Variants in CALD1 observed in about 807,000 individuals in gnomAD.
CALD1 encodes the protein caldesmon.
In CALD1, 33 loss-of-function variants were observed where a neutral mutation model predicts 99.9. The observed-to-expected ratio is 0.33, with a 90% CI of 0.25 to 0.44. The LOEUF is 0.44. CALD1 is among the 20% of genes least tolerant of loss of function. The probability of loss-of-function intolerance (pLI) is 1.00; values close to 1 mark genes in which losing one functional copy is unlikely to be tolerated. For synonymous variants in CALD1, 310 were observed against 325.0 expected (o/e 0.95, Z 0.50); for missense variants, 861 against 962.1 (o/e 0.89, Z 1.39).
intron 1 of CALD1, among the ~76,000 whole-genome samples, chr7:134,759,262 AT>A (rs1395705267): frequency 6.6e-6 from 1 of 152,242 alleles, no homozygotes; most frequent in Non-Finnish European, 1.5e-5. Flanking sequence ...TGAGAAAAAA[AT>A]AGATCTGTCT....
At chr7:134,932,061 C>CA (rs1805561571) in intron 4 of CALD1, among the ~76,000 whole-genome samples, 1 of 152,202 alleles carries the variant, frequency 6.6e-6, no homozygotes, top group South Asian at 2.1e-4. Context: ...TACCAACAGA[C>CA]AGAGATAGAG....
intron 3 of CALD1, among the ~76,000 whole-genome samples, chr7:134,909,639 C>T (rs773376653): frequency 6.6e-6 from 1 of 152,118 alleles, no homozygotes; most frequent in Non-Finnish European, 1.5e-5. Context: ...GCCAAGATCA[C>T]GCCATTGCAC....
At chr7:134,752,048 T>C (rs1373541451) in intron 1 of CALD1, among the ~76,000 whole-genome samples, 1 of 152,200 alleles carries the variant, frequency 6.6e-6, no homozygotes, top group East Asian at 1.9e-4. Flanking sequence ...TTTTCAGAAA[T>C]GTCATTCATG....
At position 134,947,643 on chromosome 7, in the gene CALD1, G is replaced by C. The variant is rs745761397; in HGVS notation, c.1668G>C (p.Gln556His). 2.5e-6 allele frequency: 4 copies of C among 1,576,694 alleles called. No homozygotes were observed. In the South Asian group the frequency reaches 4.6e-5, roughly 18 times the overall value. ...TESEEFEKLKQKQQEAALELE... is the reference protein window; with the variant it reads ...TESEEFEKLKHKQQEAALELE... ...GCGAAGAGTTCGAGAAGCTCAAACA[G>C]AAGCAGCAGGAGGCGGCTTTGGAGC... The change falls in exon 8 of 15, where the codon CAG becomes CAC. Residue 556 changes from glutamine to histidine, a missense_variant. Gln to His is a conservative substitution (Grantham distance 24). Transcript: ENST00000361675.
In CALD1 at chr7:134,951,869, T is replaced by C. The variant is rs78379445; in HGVS notation, c.1935+1355T>C. 1.5e-3 allele frequency among the ~76,000 whole-genome samples: 236 copies of C among 152,348 alleles called. 2 individuals carry two copies. In the East Asian group the frequency reaches 0.041, roughly 27 times the overall value. The stretch of plus-strand genomic sequence containing the variant: ...ATCTAGCACAGTGCCTTACATCATA[T>C]TGAAGATACTTAATAAAAATTTGTT... On this transcript the variant is annotated intron_variant, in intron 9 of 14. Coordinates refer to ENST00000361675, the MANE Select transcript of CALD1 (RefSeq NM_033138.4).
chr7:134,731,376 A>G, the CALD1 span, among the ~76,000 whole-genome samples: 1 of 152,170 alleles, frequency 6.6e-6, no homozygotes, highest in Non-Finnish European at 1.5e-5. Context: ...TGAAAAGTCA[A>G]CTTGTCATCT....
intron 2 of CALD1, among the ~76,000 whole-genome samples, chr7:134,866,417 T>C (rs1800802462): frequency 6.6e-6 from 1 of 152,188 alleles, no homozygotes; most frequent in Admixed American, 6.5e-5. Context: ...GCAGCATTAA[T>C]AATACCCTAG....
chr7:134,957,035 A>AT (rs1448305619), intron 9 of CALD1, among the ~76,000 whole-genome samples: 2 of 151,920 alleles, frequency 1.3e-5, no homozygotes, highest in Non-Finnish European at 2.9e-5. Context: ...CTAACTGCTG[A>AT]TTTTTTCTAT....
chr7:134,877,357 C>T (rs1386898404), intron 3 of CALD1, among the ~76,000 whole-genome samples: 1 of 152,154 alleles, frequency 6.6e-6, no homozygotes, highest in Non-Finnish European at 1.5e-5. Flanking sequence ...ATATAAATGT[C>T]TCCCTGTAAA....
Position 134,754,614 on chromosome 7 carries a change from T to C in CALD1, c.-130+10251T>C, listed in dbSNP as rs1022398412. Among the ~76,000 whole-genome samples the C allele has an allele frequency of 4.6e-5, 7 of 152,240 alleles. No homozygotes were observed. The South Asian group carries it at 1.2e-3, about 27-fold the overall frequency. Reference sequence around the variant, plus strand: ...GACATACAAGAAAATACATGTATGATATTGCTTCATGTGTGTTTTATATAA... The same window carrying C: ...GACATACAAGAAAATACATGTATGACATTGCTTCATGTGTGTTTTATATAA... On this transcript the variant is annotated intron_variant, in intron 1 of 13. Transcript: ENST00000417172.
chr7:134,924,096 T>A (rs1804808673), intron 3 of CALD1, among the ~76,000 whole-genome samples: 1 of 152,216 alleles, frequency 6.6e-6, no homozygotes. Context: ...ATTGCTAACA[T>A]GTTAAAAATA....
chr7:134,807,504 G>A (rs1798191272), intron 1 of CALD1, among the ~76,000 whole-genome samples: 1 of 152,146 alleles, frequency 6.6e-6, no homozygotes, highest in South Asian at 2.1e-4. Context: ...AGAGTCTAGT[G>A]GCTTAGAATT....
At chr7:134,931,882 T>C (rs1805547417) in intron 4 of CALD1, among the ~76,000 whole-genome samples, 1 of 152,218 alleles carries the variant, frequency 6.6e-6, no homozygotes, top group Non-Finnish European at 1.5e-5. Flanking sequence ...AGATTGTGTA[T>C]ACATTAGTTA....
chr7:134,781,195 C>G (rs1033097333), intron 1 of CALD1, among the ~76,000 whole-genome samples: 1 of 152,194 alleles, frequency 6.6e-6, no homozygotes, highest in Admixed American at 6.5e-5. Context: ...AAGTTCCAAA[C>G]TATTTTCACA....
chr7:134,770,602 T>C (rs1372053420), intron 1 of CALD1, among the ~76,000 whole-genome samples: 1 of 152,174 alleles, frequency 6.6e-6, no homozygotes. Context: ...GTCTTTTTCT[T>C]ATAAGGCCAC....
intron 1 of CALD1, among the ~76,000 whole-genome samples, chr7:134,784,375 C>A (rs974123396): frequency 6.6e-6 from 1 of 152,128 alleles, no homozygotes; most frequent in African/African-American, 2.4e-5. Flanking sequence ...TGCTGAAGAC[C>A]AGAAGGACCA....
chr7:134,812,290 T>G (rs1329596297), intron 1 of CALD1, among the ~76,000 whole-genome samples: 1 of 108,476 alleles, frequency 9.2e-6, no homozygotes, highest in Non-Finnish European at 2.1e-5. Context: ...CTTCATGTGG[T>G]AGAAAGTTAT....
intron 3 of CALD1, among the ~76,000 whole-genome samples, chr7:134,913,523 A>G (rs1250676313): frequency 6.6e-6 from 1 of 152,222 alleles, no homozygotes; most frequent in African/African-American, 2.4e-5. Context: ...AAATAACACT[A>G]CATGTAATTT....
intron 1 of CALD1, among the ~76,000 whole-genome samples, chr7:134,811,412 A>G (rs1476664395): frequency 6.6e-6 from 1 of 152,214 alleles, no homozygotes; most frequent in Admixed American, 6.5e-5. Flanking sequence ...AAAGCTATTC[A>G]GGATACTCCG....
Sources: allele counts gnomAD v4.1 joint callset (sites outside exome capture counted in the v4.1 genomes callset), GRCh38; gene constraint gnomAD v4.1.1; transcripts MANE v1.5; gene names NCBI Gene and HGNC (gene_info 2026-07-23, HGNC 2026-07-21).